LINGO2: variants seen among roughly 807,000 people sequenced by gnomAD.
LINGO2 encodes the protein leucine-rich repeat and immunoglobulin-like domain-containing nogo receptor-interacting protein 2.
LINGO2 carries 14 observed loss-of-function variants against 30.6 expected under a neutral mutation model. The observed-to-expected ratio is 0.46, with a 90% CI of 0.30 to 0.72. The LOEUF is 0.72. LINGO2 is among the 30% of genes least tolerant of loss of function. LINGO2 has a pLI of 0.07. For synonymous variants in LINGO2, 317 were observed against 288.5 expected (o/e 1.10, Z -1.00); for missense variants, 729 against 751.7 (o/e 0.97, Z 0.35).
chr9:28,648,949 G>A (rs180991826), intron 1 of LINGO2, among the ~76,000 whole-genome samples: 2 of 152,096 alleles, frequency 1.3e-5, no homozygotes, highest in Non-Finnish European at 2.9e-5. Flanking sequence ...GGCTGCTTAT[G>A]ATCAGAGATA....
chr9:28,869,052 A>G, the LINGO2 span, among the ~76,000 whole-genome samples: 2 of 152,248 alleles, frequency 1.3e-5, no homozygotes, highest in East Asian at 3.9e-4. Flanking sequence ...TATACTTATT[A>G]AATACATATT....
At chr9:28,692,198 G>A in the LINGO2 span, among the ~76,000 whole-genome samples, 4 of 152,066 alleles carry the variant, frequency 2.6e-5, no homozygotes, top group Admixed American at 1.3e-4. Context: ...ATTTCGGCCG[G>A]GCATGGTGGC....
chr9:28,384,329 C>CTATATATATATATATATATATATATA (rs3064858), intron 2 of LINGO2, among the ~76,000 whole-genome samples: 102 of 123,268 alleles, frequency 8.3e-4, no homozygotes, highest in Non-Finnish European at 1.3e-3. Context: ...ATGTTATGCA[C>CTATATATATATATATATATATATATA]TATATATATA....
chr9:28,402,499 G>C (rs1822313721), intron 2 of LINGO2, among the ~76,000 whole-genome samples: 3 of 151,908 alleles, frequency 2.0e-5, no homozygotes, highest in Admixed American at 2.0e-4. Context: ...ACAACTTTTT[G>C]CCATGAAGAA....
At chr9:29,112,864 C>G in the LINGO2 span, among the ~76,000 whole-genome samples, 4 of 152,120 alleles carry the variant, frequency 2.6e-5, no homozygotes, top group Non-Finnish European at 5.9e-5. Flanking sequence ...AGAAATTATG[C>G]TACAATCTTT....
At chr9:29,099,888 G>T in the LINGO2 span, among the ~76,000 whole-genome samples, 1 of 152,120 alleles carries the variant, frequency 6.6e-6, no homozygotes, top group African/African-American at 2.4e-5. Flanking sequence ...AGGTATATAC[G>T]CCAAAGAAAG....
chr9:28,679,406 G>A, the LINGO2 span, among the ~76,000 whole-genome samples: 2 of 151,938 alleles, frequency 1.3e-5, no homozygotes, highest in Non-Finnish European at 2.9e-5. Flanking sequence ...ATCTTATGAT[G>A]CATAATCAAT....
intron 3 of LINGO2, among the ~76,000 whole-genome samples, chr9:28,371,216 G>A (rs942761201): frequency 6.6e-6 from 1 of 152,200 alleles, no homozygotes; most frequent in African/African-American, 2.4e-5. Context: ...GGAGTACAGT[G>A]TGGAGATGAT....
At chr9:28,460,469 T>G (rs74924475) in intron 2 of LINGO2, among the ~76,000 whole-genome samples, 441 of 152,248 alleles carry the variant, frequency 2.9e-3, no homozygotes, top group Non-Finnish European at 4.4e-3. Flanking sequence ...ATAGGTGACT[T>G]TTAAAGTCCA....
At chr9:29,004,212 A>G in the LINGO2 span, among the ~76,000 whole-genome samples, 1 of 151,910 alleles carries the variant, frequency 6.6e-6, no homozygotes, top group Non-Finnish European at 1.5e-5. Flanking sequence ...TTTACCCTTT[A>G]TATGTGATAT....
intron 2 of LINGO2, among the ~76,000 whole-genome samples, chr9:28,452,068 C>T (rs1396378204): frequency 6.6e-6 from 1 of 151,584 alleles, no homozygotes; most frequent in Non-Finnish European, 1.5e-5. Flanking sequence ...ACTTATTTAT[C>T]CAACATTCAT....
intron 3 of LINGO2, among the ~76,000 whole-genome samples, chr9:28,319,351 C>G (rs1047236141): frequency 2.0e-5 from 3 of 152,138 alleles, no homozygotes; most frequent in Non-Finnish European, 4.4e-5. Flanking sequence ...TTCTTTACTA[C>G]TCTCTTATAT....
At chr9:29,140,685 A>G in the LINGO2 span, among the ~76,000 whole-genome samples, 5 of 151,970 alleles carry the variant, frequency 3.3e-5, no homozygotes, top group East Asian at 9.6e-4. Context: ...AACAGACCCT[A>G]TCTAGAATGA....
intron 2 of LINGO2, among the ~76,000 whole-genome samples, chr9:28,405,198 T>C (rs1398583210): frequency 6.6e-6 from 1 of 152,158 alleles, no homozygotes; most frequent in African/African-American, 2.4e-5. Flanking sequence ...AACACTAATA[T>C]ATATTACGTA....
At chr9:29,077,606 G>C in the LINGO2 span, among the ~76,000 whole-genome samples, 17 of 151,154 alleles carry the variant, frequency 1.1e-4, no homozygotes, top group African/African-American at 4.1e-4. Flanking sequence ...ACAACATTAA[G>C]ATTTTAGTTA....
At chr9:28,457,392 T>C (rs1380838652) in intron 2 of LINGO2, among the ~76,000 whole-genome samples, 1 of 152,104 alleles carries the variant, frequency 6.6e-6, no homozygotes, top group African/African-American at 2.4e-5. Flanking sequence ...TCCTCAATAA[T>C]GTCACCATGT....
the LINGO2 span, among the ~76,000 whole-genome samples, chr9:28,885,404 T>C: frequency 4.1e-5 from 2 of 49,104 alleles, no homozygotes; most frequent in Non-Finnish European, 9.3e-5. Flanking sequence ...TACATACATA[T>C]ATACATAGAT....
the LINGO2 span, among the ~76,000 whole-genome samples, chr9:28,937,922 G>C: frequency 6.6e-6 from 1 of 151,880 alleles, no homozygotes; most frequent in African/African-American, 2.4e-5. Flanking sequence ...TATTTTTTCT[G>C]ATCCTCTCCC....
chr9:28,556,593 T>C (rs1021509089), intron 1 of LINGO2, among the ~76,000 whole-genome samples: 1 of 152,112 alleles, frequency 6.6e-6, no homozygotes, highest in African/African-American at 2.4e-5. Flanking sequence ...ACAGATTCAA[T>C]GCCATCCCCA....
Sources: gnomAD v4.1 joint callset for allele counts (sites outside exome capture counted in the v4.1 genomes callset) on GRCh38, gnomAD v4.1.1 for gene constraint, MANE v1.5 for transcripts, NCBI Gene and HGNC (gene_info 2026-07-23, HGNC 2026-07-21) for gene names.